UTRN: variants seen among roughly 807,000 people sequenced by gnomAD.
UTRN encodes utrophin.
In UTRN, 283 loss-of-function variants were observed where a neutral mutation model predicts 463.9. The ratio of observed to expected loss-of-function variants is 0.61; its 90% CI spans 0.55 to 0.67. UTRN has a LOEUF of 0.67. UTRN is among the 30% of genes least tolerant of loss of function. The pLI is 0.00. For missense variants in UTRN, 3,922 were observed against 4,084.3 expected, an observed-to-expected ratio of 0.96 and a Z score of 1.08; for synonymous variants, 1,442 against 1,431.5, an observed-to-expected ratio of 1.01 and a Z score of -0.17.
chr6:144,379,130 A>G (rs1461340071), intron 2 of UTRN, among the ~76,000 whole-genome samples: 1 of 152,212 alleles, frequency 6.6e-6, no homozygotes. Context: ...GTAGGTGGTT[A>G]GTTACATAGT....
intron 1 of UTRN, among the ~76,000 whole-genome samples, chr6:144,287,906 C>G (rs748575678): frequency 2.0e-5 from 3 of 152,198 alleles, no homozygotes; most frequent in Admixed American, 6.5e-5. Flanking sequence ...ACATCTCATT[C>G]ATTGATTCTC....
chr6:144,401,019 T>G (rs1782892736), intron 2 of UTRN, among the ~76,000 whole-genome samples: 1 of 152,168 alleles, frequency 6.6e-6, no homozygotes, highest in South Asian at 2.1e-4. Context: ...ATTAGATATT[T>G]TAATATGTTT....
At chr6:144,412,214 A>G (rs1037784780) in intron 3 of UTRN, among the ~76,000 whole-genome samples, 7 of 152,198 alleles carry the variant, frequency 4.6e-5, no homozygotes, top group Admixed American at 2.0e-4. Context: ...TATTTGTTTT[A>G]TGCAGTAATA....
intron 59 of UTRN, among the ~76,000 whole-genome samples, chr6:144,773,552 C>T (rs1374375484): frequency 6.6e-6 from 1 of 152,186 alleles, no homozygotes; most frequent in Admixed American, 6.5e-5. Context: ...AAGAAATTTA[C>T]TTAATCAAAG....
At chr6:144,557,962 C>A (rs1799538770) in intron 50 of UTRN, among the ~76,000 whole-genome samples, 1 of 152,064 alleles carries the variant, frequency 6.6e-6, no homozygotes, top group Non-Finnish European at 1.5e-5. Flanking sequence ...TATTTATATT[C>A]ATCATTAGTA....
chr6:144,414,955 C>T (rs527962109), intron 3 of UTRN, among the ~76,000 whole-genome samples: 2 of 152,344 alleles, frequency 1.3e-5, no homozygotes, highest in South Asian at 4.1e-4. Context: ...CTCAGGTGAT[C>T]CACCCGCCTT....
chr6:144,756,514 C>T (rs1302908518), intron 57 of UTRN, among the ~76,000 whole-genome samples: 1 of 152,094 alleles, frequency 6.6e-6, no homozygotes, highest in East Asian at 1.9e-4. Context: ...CCAATTAATA[C>T]ATTTAATAAT....
Position 144,361,222 on chromosome 6 carries a change from C to T in UTRN, c.80-41901C>T, listed in dbSNP as rs528372987. ...TGTGACTTTCCACCCACTTTCTTTA[C>T]ACCATAGTTTGACTCAGGGGCTTGC... On this transcript the variant is annotated intron_variant, in intron 2 of 74. Transcript: ENST00000367545. Among the ~76,000 whole-genome samples, 4 of 152,176 alleles carry T rather than the reference C, an allele frequency of 2.6e-5. No homozygotes were observed. The South Asian group carries it at 8.3e-4, about 32-fold the overall frequency.
intron 50 of UTRN, among the ~76,000 whole-genome samples, chr6:144,558,500 A>G (rs527634782): frequency 7.6e-4 from 115 of 152,312 alleles, no homozygotes; most frequent in African/African-American, 2.6e-3. Context: ...CTTTAACCTT[A>G]AGAGATAGCA....
In UTRN at chr6:144,436,101, A is replaced by G; in HGVS notation, c.1022A>G (p.Asp341Gly). 1.2e-6 allele frequency: 2 copies of G among 1,614,176 alleles called. No individual in the cohort carries two copies. Among genetic ancestry groups the G allele is most frequent in the African/African-American group, 1.3e-5 (1 of 75,056 alleles). Reference sequence around the variant, plus strand: ...CAGGAGCAGGATGATATTTCTGATGATGTTGAAGAAGTCAAAGACCAGTTT... The same window carrying G: ...CAGGAGCAGGATGATATTTCTGATGGTGTTGAAGAAGTCAAAGACCAGTTT... ...TFQEQDDISDDVEEVKDQFAT... is the reference protein window; with the variant it reads ...TFQEQDDISDGVEEVKDQFAT... Residue 341 changes from aspartate to glycine, a missense_variant, in exon 10 of 75, where the codon GAT becomes GGT. By Grantham distance (94) the Asp-to-Gly change is moderately conservative. Coordinates refer to ENST00000367545, the MANE Select transcript of UTRN (RefSeq NM_007124.3).
intron 50 of UTRN, among the ~76,000 whole-genome samples, chr6:144,570,986 T>G (rs898245473): frequency 2.0e-5 from 3 of 152,210 alleles, no homozygotes; most frequent in Admixed American, 6.6e-5. Flanking sequence ...ACATTAGCTG[T>G]TGCCATATAA....
intron 27 of UTRN, among the ~76,000 whole-genome samples, chr6:144,484,000 G>A (rs1483515827): frequency 1.3e-5 from 2 of 152,160 alleles, no homozygotes; most frequent in Non-Finnish European, 2.9e-5. Flanking sequence ...ACTCATTTAT[G>A]TAAACCAGAA....
intron 17 of UTRN, among the ~76,000 whole-genome samples, chr6:144,448,980 T>C (rs1407830488): frequency 1.3e-5 from 2 of 152,190 alleles, no homozygotes; most frequent in Non-Finnish European, 2.9e-5. Context: ...TCTTGGATGA[T>C]TTTATTTATC....
intron 2 of UTRN, among the ~76,000 whole-genome samples, chr6:144,366,231 A>C (rs1254930299): frequency 6.6e-6 from 1 of 152,210 alleles, no homozygotes; most frequent in Admixed American, 6.5e-5. Context: ...TGCTATCAAT[A>C]AATTTTTACC....
Position 144,739,810 on chromosome 6 carries a change from G to A in UTRN, c.7940-8436G>A, listed in dbSNP as rs372466408. 4.6e-5 allele frequency among the ~76,000 whole-genome samples: 7 copies of A among 152,118 alleles called. No individual in the cohort carries two copies. The East Asian group carries it at 9.6e-4, about 21-fold the overall frequency. On this transcript the variant is annotated intron_variant, in intron 54 of 74. Transcript: ENST00000367545. ...TTAGATCCAGAATATTCCAGGAGAG[G>A]GCTCTGGTTGACTTGGCCCGAGTAA...
chr6:144,835,881 A>G lies in UTRN; in HGVS notation c.9767A>G (p.Glu3256Gly). ...CCAGCTCAGATCCTGAAGTCAGTAG[A>G]GAGGGAAGAACGTGGAGAACTGGAG... Reference protein sequence around the residue: ...QSPAQILKSVEREERGELERI... With the variant: ...QSPAQILKSVGREERGELERI... Residue 3256 changes from glutamate to glycine, a missense_variant, in exon 70 of 75, where the codon GAG (glutamate) becomes GGG (glycine). Glu to Gly is a moderately conservative substitution (Grantham distance 98). Transcript: ENST00000367545. The G allele has an allele frequency of 1.2e-6, 2 of 1,614,146 alleles. No individual in the cohort carries two copies. The highest frequency in any genetic ancestry group is 1.7e-6 in the Non-Finnish European group (2 of 1,179,984).
intron 53 of UTRN, among the ~76,000 whole-genome samples, chr6:144,710,550 G>A (rs1329132712): frequency 2.6e-5 from 4 of 152,028 alleles, no homozygotes; most frequent in Non-Finnish European, 4.4e-5. Context: ...ACTTTCTTGG[G>A]TGTTTTAATC....
chr6:144,421,636 C>T (rs1784841192), intron 3 of UTRN, among the ~76,000 whole-genome samples: 1 of 151,808 alleles, frequency 6.6e-6, no homozygotes, highest in African/African-American at 2.4e-5. Context: ...TTGCAGTGAG[C>T]TGAGATCACT....
rs2473131 is a variant in UTRN, at chr6:144,291,533, T to G, written c.-92-204T>G. On this transcript the variant is annotated intron_variant, in intron 1 of 74. Transcript: ENST00000367545. ...AGTATTGTAATGAAATAATTCATTA[T>G]GTAATTAATTGCTTAGTGTGCATAA... Among the ~76,000 whole-genome samples the G allele has an allele frequency of 0.23, 35,510 of 152,144 alleles. 5,118 individuals carry two copies. The highest frequency in any genetic ancestry group is 0.41 in the African/African-American group (16,967 of 41,458).
Sources: allele counts gnomAD v4.1 joint callset (sites outside exome capture counted in the v4.1 genomes callset), GRCh38; gene constraint gnomAD v4.1.1; transcripts MANE v1.5; gene names NCBI Gene and HGNC (gene_info 2026-07-23, HGNC 2026-07-21).